GNRHR: variants seen among roughly 807,000 people sequenced by gnomAD.
GNRHR encodes the protein gonadotropin-releasing hormone receptor.
GNRHR carries 14 observed loss-of-function variants against 28.1 expected under a neutral mutation model. The ratio of observed to expected loss-of-function variants is 0.50; its 90% CI spans 0.33 to 0.78. The LOEUF (loss-of-function observed/expected upper bound fraction) is 0.78. GNRHR is among the 30% of genes least tolerant of loss of function. The pLI, the probability that GNRHR is intolerant of heterozygous loss-of-function variation, is 0.02. For synonymous variants in GNRHR, 141 were observed against 140.5 expected, an observed-to-expected ratio of 1.00 and a Z score of -0.02; for missense variants, 366 against 382.1, an observed-to-expected ratio of 0.96 and a Z score of 0.35.
chr4:67,742,307 A>T (rs1051570791), intron 2 of GNRHR, among the ~76,000 whole-genome samples: 7 of 152,098 alleles, frequency 4.6e-5, no homozygotes, highest in Non-Finnish European at 8.8e-5. Flanking sequence ...GTTGAATAGG[A>T]TGTCCTTTCC....
rs761624447 is a variant in GNRHR at position 67,754,084 on chromosome 4, G to A, written c.252C>T (p.Thr84=). The change falls in exon 1 of 3, where the codon ACC becomes ACT. Residue 84 remains threonine, a synonymous_variant. Coordinates refer to ENST00000226413, the MANE Select transcript of GNRHR (RefSeq NM_000406.3). Reference sequence around the variant, plus strand: ...TCAGAGTCTCCAACAGGTTGGCTAAGGTCAGATGTTTTAAGAGCAGCTTCA... The same window carrying A: ...TCAGAGTCTCCAACAGGTTGGCTAAAGTCAGATGTTTTAAGAGCAGCTTCA... ...SRMKLLLKHL[T]LANLLETLIV... is the part of the protein sequence containing the mutation. The A allele has an allele frequency of 7.4e-6, 12 of 1,614,176 alleles. No homozygotes were observed. The highest frequency in any genetic ancestry group is 1.1e-5 in the South Asian group (1 of 91,086).
At position 67,748,711 on chromosome 4, in the gene GNRHR, T is replaced by TATA. The variant is rs144432350; in HGVS notation, c.523-3927_523-3925dup. ...TGCACGTGTACCCTAAAACTTAAAG[T>TATA]ATAATAATAATAATAAAATAAATAA... On this transcript the variant is annotated intron_variant, in intron 1 of 2. Coordinates refer to ENST00000226413, the MANE Select transcript of GNRHR (RefSeq NM_000406.3). Among the ~76,000 whole-genome samples, 404 of 148,184 alleles carry TATA rather than the reference T, an allele frequency of 2.7e-3. 2 individuals carry two copies. The highest frequency in any genetic ancestry group is 9.4e-3 in the African/African-American group (382 of 40,672).
intron 1 of GNRHR, among the ~76,000 whole-genome samples, chr4:67,745,504 G>A (rs1383753545): frequency 6.6e-6 from 1 of 152,018 alleles, no homozygotes; most frequent in Non-Finnish European, 1.5e-5. Flanking sequence ...AATGTAGAAT[G>A]CCAACTAATA....
chr4:67,740,632 A>G lies in GNRHR; in HGVS notation c.835T>C (p.Cys279Arg), dbSNP rs1378477967. Residue 279 changes from cysteine to arginine, a missense_variant, in exon 3 of 3, where the codon TGC becomes CGC. By Grantham distance (180) the Cys-to-Arg change is radical (BLOSUM62 -3). Transcript: ENST00000226413. ...CCTAGGACATAGTAGGGAGTCCAGC[A>G]GACAGTAAATGAAGTGGCAAATGCA... ...TVAFATSFTV[C>R]WTPYYVLGIW... The G allele has an allele frequency of 1.2e-6, 2 of 1,612,382 alleles. No homozygotes were observed.
chr4:67,751,886 C>T lies in GNRHR; in HGVS notation c.522+1928G>A, dbSNP rs1577871965. On this transcript the variant is annotated intron_variant, in intron 1 of 2. Transcript: ENST00000226413. ...AGCAAATGATTTTACTTCTCATAGC[C>T]TGCCTTCCCTCTCCCTTCTACAAAC... Among the ~76,000 whole-genome samples, 3 of 152,302 alleles carry T rather than the reference C, an allele frequency of 2.0e-5. No homozygotes were observed. In the East Asian group the frequency reaches 5.8e-4, roughly 29 times the overall value.
chr4:67,747,531 T>C (rs1400750903), intron 1 of GNRHR: 3 of 152,120 alleles, frequency 2.0e-5, no homozygotes, highest in Non-Finnish European at 4.4e-5. Flanking sequence ...TGGTGAGTTC[T>C]ACTATAAGAT....
At chr4:67,748,610 G>T (rs891741346) in intron 1 of GNRHR, among the ~76,000 whole-genome samples, 1 of 151,884 alleles carries the variant, frequency 6.6e-6, no homozygotes, top group Non-Finnish European at 1.5e-5. Context: ...TGGGTAGAGT[G>T]TAGTAGTTAA....
intron 2 of GNRHR, among the ~76,000 whole-genome samples, chr4:67,741,935 T>C (rs574201914): frequency 6.1e-4 from 93 of 152,328 alleles, no homozygotes; most frequent in African/African-American, 2.1e-3. Context: ...GAGTTCTTTG[T>C]AGATTCTGGG....
At position 67,740,337 on chromosome 4, in the gene GNRHR, G is replaced by C; in HGVS notation, c.*143C>G. ...CTTAATAATTGAGGCTCTGAAGACT[G>C]AGTTTCTAAAAGAATGATAACTTAA... On this transcript the variant is annotated 3_prime_UTR_variant, in exon 3 of 3. Transcript: ENST00000226413. 5.9e-6 allele frequency: 4 copies of C among 679,574 alleles called. No individual in the cohort carries two copies. The South Asian group carries it at 7.1e-5, about 12-fold the overall frequency. The allele number at this position is 679,574 out of a possible 1,614,324, so 42.1% of individuals were successfully genotyped here. A position where few individuals can be genotyped will look rare whatever the true frequency, so the allele number is the denominator to read the frequency against.
In GNRHR at chr4:67,740,486, A is replaced by T. The variant is rs146305459; in HGVS notation, c.981T>A (p.Ser327=). The change falls in exon 3 of 3, where the codon TCT becomes TCA. Residue 327 remains serine (S), a synonymous_variant. Transcript: ENST00000226413. ...TTCTTGTGTAGTCTATCAATCACAG[A>T]GAAAAATATCCATAGATAAGTGGAT... ...CFDPLIYGYF[S]L The T allele has an allele frequency of 6.2e-7, 1 of 1,602,934 alleles. No homozygotes were observed. The highest frequency in any genetic ancestry group is 8.5e-7 in the Non-Finnish European group (1 of 1,170,020).
intron 1 of GNRHR, among the ~76,000 whole-genome samples, chr4:67,746,157 T>C (rs1186048512): frequency 6.6e-6 from 1 of 152,022 alleles, no homozygotes; most frequent in East Asian, 1.9e-4. Context: ...TAAACACACA[T>C]TGAAGTATTG....
chr4:67,752,835 T>C (rs960327548), intron 1 of GNRHR, among the ~76,000 whole-genome samples: 1 of 151,844 alleles, frequency 6.6e-6, no homozygotes, highest in Non-Finnish European at 1.5e-5. Flanking sequence ...AACCATCTGG[T>C]CAGTAAAAAA....
chr4:67,750,144 A>G (rs937410039), intron 1 of GNRHR, among the ~76,000 whole-genome samples: 3 of 152,172 alleles, frequency 2.0e-5, no homozygotes, highest in Non-Finnish European at 4.4e-5. Flanking sequence ...ATTTGCTCAG[A>G]GTCACATAGC....
At chr4:67,749,250 C>T (rs1441014447) in intron 1 of GNRHR, among the ~76,000 whole-genome samples, 3 of 152,166 alleles carry the variant, frequency 2.0e-5, no homozygotes, top group African/African-American at 7.2e-5. Flanking sequence ...CAAGCCTCCA[C>T]ACATCTTCAG....
At position 67,754,240 on chromosome 4, in the gene GNRHR, G is replaced by C. The variant is rs1221201989; in HGVS notation, c.96C>G (p.Thr32=). ...PLMQGNLPTL[T]LSGKIRVTVT... ...CCGTCACTCGGATCTTTCCAGACAA[G>C]GTCAGAGTGGGGAGGTTGCCCTGCA... Residue 32 remains threonine, a synonymous_variant, in exon 1 of 3, where the codon ACC becomes ACG. Transcript: ENST00000226413. The C allele has an allele frequency of 3.1e-6, 5 of 1,613,802 alleles. No individual in the cohort carries two copies. Among genetic ancestry groups the C allele is most frequent in the Non-Finnish European group, 4.2e-6 (5 of 1,179,800 alleles).
rs1471935797 is a variant in GNRHR at position 67,748,256 on chromosome 4, G to A, written c.523-3469C>T. Reference sequence around the variant, plus strand: ...TGTCCACAGGTAATTATCTTCAGATGTGTGCTTCAGTTTCCTCATCTACAT... The same window carrying A: ...TGTCCACAGGTAATTATCTTCAGATATGTGCTTCAGTTTCCTCATCTACAT... On this transcript the variant is annotated intron_variant, in intron 1 of 2. Transcript: ENST00000226413. Among the ~76,000 whole-genome samples the A allele has an allele frequency of 2.0e-5, 3 of 152,028 alleles. No individual in the cohort carries two copies. In the East Asian group the frequency reaches 5.8e-4, roughly 29 times the overall value.
chr4:67,752,395 T>A (rs550330579), intron 1 of GNRHR, among the ~76,000 whole-genome samples: 2,070 of 151,624 alleles, frequency 0.014, 38 homozygotes, highest in African/African-American at 0.047. Context: ...ATTTTTTTTT[T>A]AATAATTTGT....
At chr4:67,742,638 G>T (rs1323499752) in intron 2 of GNRHR, among the ~76,000 whole-genome samples, 1 of 152,204 alleles carries the variant, frequency 6.6e-6, no homozygotes, top group Non-Finnish European at 1.5e-5. Context: ...CAATTTTGAA[G>T]TGCTCAAAAT....
intron 1 of GNRHR, chr4:67,753,532 G>A: frequency 4.9e-6 from 2 of 405,298 alleles, no homozygotes; most frequent in Non-Finnish European, 9.0e-6. Context: ...CTACATAATA[G>A]AGATTATGTG....
Sources: allele counts gnomAD v4.1 joint callset (sites outside exome capture counted in the v4.1 genomes callset), GRCh38; gene constraint gnomAD v4.1.1; transcripts MANE v1.5; gene names NCBI Gene and HGNC (gene_info 2026-07-23, HGNC 2026-07-21).